Variants in IGF1R observed in about 807,000 individuals in gnomAD.
IGF1R encodes insulin like growth factor 1 receptor.
In IGF1R, 44 loss-of-function variants were observed where a neutral mutation model predicts 144.6. The observed-to-expected ratio is 0.30, with a 90% CI of 0.24 to 0.39. The LOEUF (loss-of-function observed/expected upper bound fraction) is 0.39. IGF1R is among the 10% of genes least tolerant of loss of function. IGF1R has a pLI of 1.00. For synonymous variants in IGF1R, 795 were observed against 722.8 expected (o/e 1.10, Z -1.60); for missense variants, 1,355 against 1,833.7 (o/e 0.74, Z 4.77).
At position 98,693,267 on chromosome 15, in the gene IGF1R, G is replaced by T. The variant is rs1177397435; in HGVS notation, c.95-14295G>T. 3.9e-5 allele frequency among the ~76,000 whole-genome samples: 6 copies of T among 152,338 alleles called. No individual in the cohort carries two copies. The South Asian group carries it at 1.2e-3, about 32-fold the overall frequency. ...TAGAGGTGATGTTGGCTACGGGCAGGGGAGCGTTTGCTTTGCCTTGGAGTA... is the reference window on the plus strand; with the variant it reads ...TAGAGGTGATGTTGGCTACGGGCAGTGGAGCGTTTGCTTTGCCTTGGAGTA... On this transcript the variant is annotated intron_variant, in intron 1 of 20. Coordinates refer to ENST00000650285, the MANE Select transcript of IGF1R (RefSeq NM_000875.5).
chr15:98,755,215 T>G (rs911530710), intron 2 of IGF1R, among the ~76,000 whole-genome samples: 1 of 152,152 alleles, frequency 6.6e-6, no homozygotes, highest in Non-Finnish European at 1.5e-5. Flanking sequence ...ACATTTTTAC[T>G]TTTTCTCGGT....
chr15:98,864,838 A>T (rs113731550), intron 2 of IGF1R, among the ~76,000 whole-genome samples: 4 of 152,324 alleles, frequency 2.6e-5, no homozygotes, highest in African/African-American at 9.6e-5. Flanking sequence ...CTTCTGTTTG[A>T]TGAAACCGAA....
chr15:98,707,524 C>G lies in IGF1R; in HGVS notation c.95-38C>G. On this transcript the variant is annotated intron_variant, in intron 1 of 20. Transcript: ENST00000650285. This position sits in a 1 kb window ranked among gnomAD's most constrained non-coding sequence, Gnocchi z 6.7. ...TGGAAAATAGTTTAAAAATTATTTC[C>G]TTCTAACTGAGACGTTTACCCTCTT... is the stretch of plus-strand genomic sequence containing the variant. 6.3e-7 allele frequency: 1 copy of G among 1,596,162 alleles called. No homozygotes were observed. The highest frequency in any genetic ancestry group is 8.6e-7 in the Non-Finnish European group (1 of 1,164,880).
At chr15:98,930,866 A>G (rs7177438) in intron 15 of IGF1R, among the ~76,000 whole-genome samples, 1,676 of 152,234 alleles carry the variant, frequency 0.011, 27 homozygotes, top group African/African-American at 0.038. Context: ...AAGGTCTGAC[A>G]TGGAAGTTGG....
At chr15:98,824,083 A>AG (rs1567147214) in intron 2 of IGF1R, 1 of 152,138 alleles carries the variant, frequency 6.6e-6, no homozygotes, top group Admixed American at 6.5e-5. Flanking sequence ...GGAACTAGGG[A>AG]GGGTAACATG....
At position 98,962,430 on chromosome 15, in the gene IGF1R, C is replaced by G. The variant is rs970412622; in HGVS notation, c.*4988C>G. The G allele has an allele frequency of 4.3e-6, 1 of 232,210 alleles. No individual in the cohort carries two copies. The highest frequency in any genetic ancestry group is 8.5e-6 in the Non-Finnish European group (1 of 117,976). The allele number at this position is 232,210 out of a possible 1,614,324, so 14.4% of individuals were successfully genotyped here. On this transcript the variant is annotated 3_prime_UTR_variant, in exon 21 of 21. Coordinates refer to ENST00000650285, the MANE Select transcript of IGF1R (RefSeq NM_000875.5). Reference sequence around the variant, plus strand: ...CCTTAAGAACCAGTGGCGAAAGACACTTTCTTTCTTCACTCTGAAGTAGCT... The same window carrying G: ...CCTTAAGAACCAGTGGCGAAAGACAGTTTCTTTCTTCACTCTGAAGTAGCT...
chr15:98,804,382 G>A (rs1426980695), intron 2 of IGF1R, among the ~76,000 whole-genome samples: 1 of 152,202 alleles, frequency 6.6e-6, no homozygotes, highest in Non-Finnish European at 1.5e-5. Flanking sequence ...ACCCGCGTTT[G>A]GAGGACTGAT....
chr15:98,718,744 AAAG>A (rs754803962), intron 2 of IGF1R, among the ~76,000 whole-genome samples: 126 of 152,220 alleles, frequency 8.3e-4, no homozygotes, highest in Non-Finnish European at 1.7e-3. Context: ...GAACAAAATA[AAAG>A]AAGATCAGGA....
At chr15:98,835,746 A>G (rs1265514363) in intron 2 of IGF1R, among the ~76,000 whole-genome samples, 6 of 152,156 alleles carry the variant, frequency 3.9e-5, no homozygotes, top group Non-Finnish European at 8.8e-5. Context: ...TCCCAAAATC[A>G]CCTCTGGAAC....
intron 17 of IGF1R, among the ~76,000 whole-genome samples, chr15:98,936,111 C>T (rs575808894): frequency 7.2e-5 from 11 of 152,178 alleles, no homozygotes; most frequent in Non-Finnish European, 1.0e-4. Flanking sequence ...GCATTGTTGG[C>T]GGTCCTTGTC....
intron 13 of IGF1R, among the ~76,000 whole-genome samples, chr15:98,929,076 C>G (rs2015839810): frequency 6.6e-6 from 1 of 151,960 alleles, no homozygotes; most frequent in South Asian, 2.1e-4. Context: ...AAATAGAATG[C>G]TTGCTGCTGC....
intron 2 of IGF1R, among the ~76,000 whole-genome samples, chr15:98,747,288 C>G (rs2054892579): frequency 6.6e-6 from 1 of 152,140 alleles, no homozygotes; most frequent in Non-Finnish European, 1.5e-5. Flanking sequence ...CCTCCACCTC[C>G]CGGGTTCAAG....
chr15:98,942,965 G>A lies in IGF1R; in HGVS notation c.3500G>A (p.Arg1167Gln), dbSNP rs2151719057. 7 of 1,614,076 alleles carry A rather than the reference G, an allele frequency of 4.3e-6. No homozygotes were observed. The highest frequency in any genetic ancestry group is 1.3e-5 in the African/African-American group (1 of 75,002). ...TRDIYETDYY[R>Q]KGGKGLLPVR... ...GATATCTATGAGACAGACTATTACC[G>A]GAAAGGAGGGAAAGGGCTGCTGCCC... is the stretch of plus-strand genomic sequence containing the variant. The change falls in exon 19 of 21, where the codon CGG (arginine) becomes CAG (glutamine). Residue 1167 changes from arginine to glutamine, a missense_variant. Coordinates refer to ENST00000650285, the MANE Select transcript of IGF1R (RefSeq NM_000875.5).
At chr15:98,784,606 A>T (rs1164382242) in intron 2 of IGF1R, 4 of 154,046 alleles carry the variant, frequency 2.6e-5, no homozygotes, top group African/African-American at 9.6e-5. Context: ...AGTTATTGTA[A>T]TTCTAATCTC....
At chr15:98,901,252 G>T (rs1349969848) in intron 5 of IGF1R, among the ~76,000 whole-genome samples, 1 of 152,188 alleles carries the variant, frequency 6.6e-6, no homozygotes, top group Non-Finnish European at 1.5e-5. Context: ...AGGGCAAGTG[G>T]GCCTTGGGTT....
intron 19 of IGF1R, among the ~76,000 whole-genome samples, chr15:98,945,067 G>C (rs571366787): frequency 6.6e-6 from 1 of 152,344 alleles, no homozygotes; most frequent in East Asian, 1.9e-4. Context: ...TCTCCCTGCA[G>C]CTCCCTGTAG....
intron 2 of IGF1R, among the ~76,000 whole-genome samples, chr15:98,817,514 C>G (rs916164759): frequency 6.6e-6 from 1 of 151,816 alleles, no homozygotes; most frequent in Non-Finnish European, 1.5e-5. Context: ...TCATTGAGGC[C>G]TCTGTGAAAA....
At chr15:98,883,702 G>A (rs540752363) in intron 2 of IGF1R, among the ~76,000 whole-genome samples, 1 of 152,186 alleles carries the variant, frequency 6.6e-6, no homozygotes, top group Non-Finnish European at 1.5e-5. Flanking sequence ...TCCTCCTCCT[G>A]TGCCAGCCGT....
At chr15:98,889,080 G>A (rs1185260879) in intron 2 of IGF1R, among the ~76,000 whole-genome samples, 1 of 152,136 alleles carries the variant, frequency 6.6e-6, no homozygotes, top group African/African-American at 2.4e-5. Context: ...AAGTCATATG[G>A]CCACCTCTAG....
Sources: gnomAD v4.1 joint callset for allele counts (sites outside exome capture counted in the v4.1 genomes callset) on GRCh38, gnomAD v4.1.1 for gene constraint, Gnocchi (gnomAD v3.1) non-coding constraint, MANE v1.5 for transcripts, NCBI Gene and HGNC (gene_info 2026-07-23, HGNC 2026-07-21) for gene names.